DENND1A: variants seen among roughly 807,000 people sequenced by gnomAD.
DENND1A encodes the protein DENN domain-containing protein 1A.
In DENND1A, 51 loss-of-function variants were observed where a neutral mutation model predicts 113.7. That is an observed-to-expected ratio of 0.45 (90% CI 0.36 to 0.57). DENND1A has a LOEUF of 0.57. Ranked by LOEUF, DENND1A falls within the 20% of genes least tolerant of loss-of-function variation. DENND1A has a pLI of 0.00. For missense variants in DENND1A, 1,258 were observed against 1,395.9 expected (o/e 0.90, Z 1.57); for synonymous variants, 565 against 570.8 (o/e 0.99, Z 0.14).
At chr9:123,923,529 A>G (rs1170413213) in intron 1 of DENND1A, among the ~76,000 whole-genome samples, 5 of 152,226 alleles carry the variant, frequency 3.3e-5, no homozygotes, top group African/African-American at 7.2e-5. Context: ...TAGTTGTGCT[A>G]TACAACAGGC....
At chr9:123,928,185 G>T (rs1313513864) in intron 1 of DENND1A, among the ~76,000 whole-genome samples, 2 of 152,222 alleles carry the variant, frequency 1.3e-5, no homozygotes, top group East Asian at 1.9e-4. Context: ...TTTGAGAAAT[G>T]TATTTGTCAA....
At chr9:123,471,236 A>G (rs1407250626) in intron 13 of DENND1A, among the ~76,000 whole-genome samples, 1 of 152,188 alleles carries the variant, frequency 6.6e-6, no homozygotes, top group Non-Finnish European at 1.5e-5. Flanking sequence ...AGGCTCTGCC[A>G]CTTAACATGT....
chr9:123,465,788 T>G (rs2048896901), intron 13 of DENND1A, among the ~76,000 whole-genome samples: 1 of 152,230 alleles, frequency 6.6e-6, no homozygotes, highest in African/African-American at 2.4e-5. Flanking sequence ...AATGTACTAT[T>G]TAATGTCATT....
At chr9:123,805,913 A>C (rs1222948495) in intron 2 of DENND1A, among the ~76,000 whole-genome samples, 1 of 152,178 alleles carries the variant, frequency 6.6e-6, no homozygotes, top group Non-Finnish European at 1.5e-5. Context: ...CTATTTACAT[A>C]TAAGTACCTA....
intron 21 of DENND1A, among the ~76,000 whole-genome samples, chr9:123,398,954 C>G (rs1328224702): frequency 6.6e-6 from 1 of 151,588 alleles, no homozygotes; most frequent in East Asian, 2.0e-4. Flanking sequence ...ATCACCACAC[C>G]CAGCTAATTT....
At chr9:123,606,108 C>T (rs2060143899) in intron 11 of DENND1A, among the ~76,000 whole-genome samples, 1 of 152,176 alleles carries the variant, frequency 6.6e-6, no homozygotes, top group Non-Finnish European at 1.5e-5. Context: ...ATCCCTTTCA[C>T]CTGAAGGGTA....
chr9:123,812,390 T>C (rs1256964151), intron 2 of DENND1A, among the ~76,000 whole-genome samples: 1 of 152,082 alleles, frequency 6.6e-6, no homozygotes. Context: ...ATCCATTTTT[T>C]CCCTGTTGAT....
chr9:123,382,494 G>A lies in DENND1A; in HGVS notation c.2151C>T (p.Ser717=). 1.2e-6 allele frequency: 2 copies of A among 1,613,992 alleles called. No homozygotes were observed. The highest frequency in any genetic ancestry group is 1.7e-6 in the Non-Finnish European group (2 of 1,179,940). The part of the protein sequence containing the change: ...MAIPSKPPAA[S]PEKPSALLGN... ...CGAGCAGGGCTGAGGGCTTCTCAGG[G>A]GAGGCAGCTGGGGGCTTGCTGGGGA... Residue 717 remains serine (S), a synonymous_variant, in exon 24 of 24, where the codon TCC becomes TCT. Transcript: ENST00000394215.
At chr9:123,576,347 T>A (rs1589207708) in intron 12 of DENND1A, among the ~76,000 whole-genome samples, 1 of 152,240 alleles carries the variant, frequency 6.6e-6, no homozygotes. Flanking sequence ...ATTTCTTACA[T>A]GTATCCATAT....
rs1015894204 is a variant in DENND1A, at chr9:123,401,644, A to G, written c.1631+1758T>C. 19 of 1,455,162 alleles carry G rather than the reference A, an allele frequency of 1.3e-5. No individual in the cohort carries two copies. The Admixed American group carries it at 2.3e-4, about 18-fold the overall frequency. The allele number at this position is 1,455,162 out of a possible 1,614,324, so 90.1% of individuals were successfully genotyped here. ...CAAATATTTTCCAACAGAAGTAGAA[A>G]ACAGGGCATATTAAACAAACAACAA... On this transcript the variant is annotated intron_variant, in intron 21 of 23. Transcript: ENST00000394215.
At chr9:123,658,088 T>C (rs933611138) in intron 8 of DENND1A, among the ~76,000 whole-genome samples, 1 of 152,212 alleles carries the variant, frequency 6.6e-6, no homozygotes, top group African/African-American at 2.4e-5. Context: ...CATGATGAGT[T>C]CATAAATCTT....
intron 11 of DENND1A, among the ~76,000 whole-genome samples, chr9:123,603,558 C>T (rs1402228761): frequency 6.6e-6 from 1 of 152,140 alleles, no homozygotes; most frequent in African/African-American, 2.4e-5. Context: ...CAGCAGAATG[C>T]CAGGAGCTCC....
intron 19 of DENND1A, among the ~76,000 whole-genome samples, chr9:123,423,792 AG>A (rs1278171233): frequency 6.6e-6 from 1 of 152,228 alleles, no homozygotes; most frequent in Non-Finnish European, 1.5e-5. Context: ...TTGGCATAAC[AG>A]GCCTAACAAG....
intron 2 of DENND1A, among the ~76,000 whole-genome samples, chr9:123,847,382 T>C (rs1032275383): frequency 6.6e-5 from 10 of 151,504 alleles, no homozygotes; most frequent in African/African-American, 2.4e-4. Flanking sequence ...CCAAGATATA[T>C]AAGAAGAAAA....
intron 11 of DENND1A, among the ~76,000 whole-genome samples, chr9:123,590,053 T>C (rs892887125): frequency 6.6e-5 from 10 of 152,224 alleles, no homozygotes; most frequent in African/African-American, 2.4e-4. Context: ...AGATTCAGCA[T>C]AATTCCCAGA....
chr9:123,383,919 G>A lies in DENND1A; in HGVS notation c.1761-6C>T, dbSNP rs1207743878. The stretch of plus-strand genomic sequence containing the variant: ...GTGTCCGATACGGCTGCGGCCTGTC[G>A]GGGACAGAGCAGGCTGCACTCTCCC... On this transcript the variant is annotated splice_polypyrimidine_tract_variant and splice_region_variant and intron_variant, in intron 22 of 23. Transcript: ENST00000394215. 1 of 1,604,116 alleles carries A rather than the reference G, an allele frequency of 6.2e-7. No homozygotes were observed.
At chr9:123,721,063 C>T (rs1344224921) in intron 5 of DENND1A, among the ~76,000 whole-genome samples, 3 of 152,240 alleles carry the variant, frequency 2.0e-5, no homozygotes, top group African/African-American at 4.8e-5. Context: ...TTACTCTCCA[C>T]ACCCACTCTT....
At chr9:123,817,592 G>T (rs970857929) in intron 2 of DENND1A, among the ~76,000 whole-genome samples, 1 of 152,102 alleles carries the variant, frequency 6.6e-6, no homozygotes, top group Non-Finnish European at 1.5e-5. Context: ...ACCTCAGAAC[G>T]TTAACTTAAA....
intron 19 of DENND1A, among the ~76,000 whole-genome samples, chr9:123,420,970 G>A (rs941864680): frequency 1.3e-5 from 2 of 151,216 alleles, no homozygotes; most frequent in Non-Finnish European, 2.9e-5. Flanking sequence ...CGGAGGTCGG[G>A]CACCAGATGC....
Sources: allele counts gnomAD v4.1 joint callset (sites outside exome capture counted in the v4.1 genomes callset), GRCh38; gene constraint gnomAD v4.1.1; transcripts MANE v1.5; gene names NCBI Gene and HGNC (gene_info 2026-07-23, HGNC 2026-07-21).